CLDN1: variants seen among roughly 807,000 people sequenced by gnomAD.
The protein encoded by CLDN1 is claudin-1.
CLDN1 carries 12 observed loss-of-function variants against 22.6 expected under a neutral mutation model. That is an observed-to-expected ratio of 0.53 (90% CI 0.34 to 0.86). The LOEUF is 0.86. Among genes scored for constraint, CLDN1 ranks in the 40% least tolerant of loss-of-function variants. CLDN1 has a pLI of 0.02. For missense variants in CLDN1, 250 were observed against 269.5 expected (o/e 0.93, Z 0.51); for synonymous variants, 99 against 103.8 (o/e 0.95, Z 0.28).
At chr3:190,310,960 AT>A (rs555350023) in intron 2 of CLDN1, among the ~76,000 whole-genome samples, 6 of 152,152 alleles carry the variant, frequency 3.9e-5, no homozygotes, top group South Asian at 2.1e-4. Flanking sequence ...AAAATACTTC[AT>A]TTTTTTATCA....
In CLDN1 at chr3:190,315,818, A is replaced by C. The variant is rs148473168; in HGVS notation, c.224-2782T>G. ...CAGCAGGTCTGAGCACTTAGATCGC[A>C]GAGTAGTCTTCAAGAGAAGTCTAAC... On this transcript the variant is annotated intron_variant, in intron 1 of 3. Coordinates refer to ENST00000295522, the MANE Select transcript of CLDN1 (RefSeq NM_021101.5). 1.2e-3 allele frequency among the ~76,000 whole-genome samples: 184 copies of C among 152,304 alleles called. 2 individuals carry two copies. The South Asian group carries it at 0.014, about 12-fold the overall frequency.
At chr3:190,319,233 G>A (rs560074565) in intron 1 of CLDN1, among the ~76,000 whole-genome samples, 1 of 152,246 alleles carries the variant, frequency 6.6e-6, no homozygotes, top group South Asian at 2.1e-4. Flanking sequence ...AGAGGTACAG[G>A]TGAATCAAGA....
rs531006128 is a variant in CLDN1, at chr3:190,312,980, C to T, written c.280G>A (p.Ala94Thr). Residue 94 changes from alanine (A) to threonine (T), a missense_variant, in exon 2 of 4, where the codon GCA becomes ACA. By Grantham distance (58) the Ala-to-Thr change is moderately conservative (BLOSUM62 0). Coordinates refer to ENST00000295522, the MANE Select transcript of CLDN1 (RefSeq NM_021101.5). ...ATGCCAACGGTGGCCACAAAGATTG[C>T]TATCACTCCCAGGAGGATGCCAACC... is the stretch of plus-strand genomic sequence containing the variant. ...MVVGILLGVI[A>T]IFVATVGMKC... 12 of 1,614,174 alleles carry T rather than the reference C, an allele frequency of 7.4e-6. No homozygotes were observed. The highest frequency in any genetic ancestry group is 1.0e-5 in the Non-Finnish European group (12 of 1,180,030).
At chr3:190,314,180 C>G (rs1716700827) in intron 1 of CLDN1, among the ~76,000 whole-genome samples, 1 of 152,028 alleles carries the variant, frequency 6.6e-6, no homozygotes, top group African/African-American at 2.4e-5. Flanking sequence ...ACAATTGACT[C>G]CTTGATGGTC....
intron 1 of CLDN1, among the ~76,000 whole-genome samples, chr3:190,319,784 C>T (rs1002342396): frequency 2.0e-5 from 3 of 152,148 alleles, no homozygotes; most frequent in Admixed American, 1.3e-4. Flanking sequence ...CAAAACTGTA[C>T]CAAAACCAGC....
chr3:190,307,538 C>T lies in CLDN1; in HGVS notation c.*739G>A, dbSNP rs1000481420. The T allele has an allele frequency of 6.6e-6, 1 of 152,076 alleles. No individual in the cohort carries two copies. Among genetic ancestry groups the T allele is most frequent in the African/African-American group, 2.4e-5 (1 of 41,406 alleles). The allele number at this position is 152,076 out of a possible 1,614,324, so 9.4% of individuals were successfully genotyped here. ...TTTGGTCATGCAGAAAGATTTGCCT[C>T]CAAAGTTCTGATTTGTAATAAATTC... is the stretch of plus-strand genomic sequence containing the variant. On this transcript the variant is annotated 3_prime_UTR_variant, in exon 4 of 4. Transcript: ENST00000295522.
intron 2 of CLDN1, among the ~76,000 whole-genome samples, chr3:190,311,612 AT>A (rs754287294): frequency 6.6e-6 from 1 of 150,764 alleles, no homozygotes; most frequent in East Asian, 1.9e-4. Flanking sequence ...TTTTTTTAAA[AT>A]AATATACTAT....
intron 2 of CLDN1, among the ~76,000 whole-genome samples, chr3:190,311,768 A>C (rs1208446349): frequency 6.6e-6 from 1 of 151,238 alleles, no homozygotes; most frequent in Non-Finnish European, 1.5e-5. Flanking sequence ...ATACACACAG[A>C]GAGATTGCAT....
intron 3 of CLDN1, among the ~76,000 whole-genome samples, chr3:190,309,118 T>C (rs974586241): frequency 5.6e-4 from 85 of 152,190 alleles, no homozygotes; most frequent in African/African-American, 1.9e-3. Flanking sequence ...AATTCTGGGA[T>C]AGCAACTTCA....
intron 1 of CLDN1, among the ~76,000 whole-genome samples, chr3:190,321,099 A>G (rs1229037596): frequency 1.3e-5 from 2 of 152,198 alleles, no homozygotes; most frequent in African/African-American, 4.8e-5. Flanking sequence ...TGGAAGATGG[A>G]AACCTAAGGA....
In CLDN1 at chr3:190,308,362, C is replaced by G; in HGVS notation, c.551G>C (p.Cys184Ser). 6.2e-7 allele frequency: 1 copy of G among 1,613,826 alleles called. No homozygotes were observed. Among genetic ancestry groups the G allele is most frequent in the South Asian group, 1.1e-5 (1 of 91,064 alleles). ...LCLLGGALLC[C>S]SCPRKTTSYP... ...AGAGGTTGTTTTTCGGGGACAGGAA[C>G]AGCAAAGTAGGGCACCTCCCAGAAG... The change falls in exon 4 of 4, where the codon TGT (cysteine) becomes TCT (serine). Residue 184 changes from cysteine (C) to serine (S), a missense_variant. Transcript: ENST00000295522.
Position 190,308,076 on chromosome 3 carries a change from T to C in CLDN1, c.*201A>G, listed in dbSNP as rs1235030441. 5.1e-6 allele frequency: 3 copies of C among 590,430 alleles called. No homozygotes were observed. The highest frequency in any genetic ancestry group is 3.3e-5 in the East Asian group (1 of 30,034). 36.6% of individuals were successfully genotyped at this position (590,430 alleles called of 1,614,324 possible). On this transcript the variant is annotated 3_prime_UTR_variant, in exon 4 of 4. Coordinates refer to ENST00000295522, the MANE Select transcript of CLDN1 (RefSeq NM_021101.5). Reference sequence around the variant, plus strand: ...AAATGGAAAAATCTTCCCTCCTATATTGAGGAAAGAAGATAAAATAAGATT... The same window carrying C: ...AAATGGAAAAATCTTCCCTCCTATACTGAGGAAAGAAGATAAAATAAGATT...
At chr3:190,311,169 A>G (rs890432966) in intron 2 of CLDN1, among the ~76,000 whole-genome samples, 1 of 152,146 alleles carries the variant, frequency 6.6e-6, no homozygotes. Flanking sequence ...GCTTACTCCT[A>G]AGAGAAGTCC....
chr3:190,310,034 AT>A, intron 3 of CLDN1, 134 bp downstream of exon 3: 1 of 741,980 alleles, frequency 1.3e-6, no homozygotes, highest in South Asian at 1.5e-5. Context: ...GTCAGAGATC[AT>A]TTAAATTGTT....
In CLDN1 at chr3:190,322,294, G is replaced by A; in HGVS notation, c.-88C>T. Reference sequence around the variant, plus strand: ...GTGGGCAACCCGGACTCCCGAAGGTGGCTGGGCCCCGCGGAGGAAGTTAAG... The same window carrying A: ...GTGGGCAACCCGGACTCCCGAAGGTAGCTGGGCCCCGCGGAGGAAGTTAAG... On this transcript the variant is annotated 5_prime_UTR_variant, in exon 1 of 4. Transcript: ENST00000295522. 2 of 1,184,052 alleles carry A rather than the reference G, an allele frequency of 1.7e-6. No individual in the cohort carries two copies. The highest frequency in any genetic ancestry group is 2.5e-6 in the Non-Finnish European group (2 of 812,404). The allele number at this position is 1,184,052 out of a possible 1,614,324, so 73.3% of individuals were successfully genotyped here.
At chr3:190,314,236 T>C (rs1178091921) in intron 1 of CLDN1, among the ~76,000 whole-genome samples, 1 of 152,202 alleles carries the variant, frequency 6.6e-6, no homozygotes, top group Non-Finnish European at 1.5e-5. Context: ...TCTCAATATC[T>C]AATCAGGCCT....
intron 1 of CLDN1, among the ~76,000 whole-genome samples, chr3:190,314,134 T>A (rs1440022632): frequency 6.6e-6 from 1 of 152,196 alleles, no homozygotes; most frequent in Non-Finnish European, 1.5e-5. Context: ...ATTATATAAG[T>A]AAAATGTAAA....
At chr3:190,308,860 G>A (rs149558601) in intron 3 of CLDN1, among the ~76,000 whole-genome samples, 147 of 152,240 alleles carry the variant, frequency 9.7e-4, no homozygotes, top group African/African-American at 3.4e-3. Flanking sequence ...TCAGAGCTTT[G>A]AACAGATGAT....
chr3:190,306,270 G>A lies in CLDN1; in HGVS notation c.*2007C>T, dbSNP rs532134169. On this transcript the variant is annotated 3_prime_UTR_variant, in exon 4 of 4. Coordinates refer to ENST00000295522, the MANE Select transcript of CLDN1 (RefSeq NM_021101.5). ...ATCTGTTTAGCCACAGAAAGCATCGGGCCATACTCACTGCAGAAGATAAGA... is the reference window on the plus strand; with the variant it reads ...ATCTGTTTAGCCACAGAAAGCATCGAGCCATACTCACTGCAGAAGATAAGA... The A allele has an allele frequency of 2.0e-5, 3 of 152,138 alleles. No individual in the cohort carries two copies. Among genetic ancestry groups the A allele is most frequent in the African/African-American group, 7.2e-5 (3 of 41,432 alleles). The allele number at this position is 152,138 out of a possible 1,614,324, so 9.4% of individuals were successfully genotyped here.
Sources: gnomAD v4.1 joint callset for allele counts (sites outside exome capture counted in the v4.1 genomes callset) on GRCh38, gnomAD v4.1.1 for gene constraint, MANE v1.5 for transcripts, NCBI Gene and HGNC (gene_info 2026-07-23, HGNC 2026-07-21) for gene names.